GOLGA4: variants seen among roughly 807,000 people sequenced by gnomAD.
GOLGA4 encodes golgin A4.
Under a neutral mutation model 265.9 loss-of-function variants are expected in GOLGA4, and 169 were observed. That is an observed-to-expected ratio of 0.64 (90% CI 0.56 to 0.72). The LOEUF (loss-of-function observed/expected upper bound fraction) is 0.72, where lower values mean the gene tolerates loss of function less well. Among genes scored for constraint, GOLGA4 ranks in the 30% least tolerant of loss-of-function variants. The pLI, the probability that GOLGA4 is intolerant of heterozygous loss-of-function variation, is 0.00. For synonymous variants in GOLGA4, 923 were observed against 855.8 expected, an observed-to-expected ratio of 1.08 and a Z score of -1.37; for missense variants, 2,482 against 2,483.4, an observed-to-expected ratio of 1.00 and a Z score of 0.01.
chr3:37,323,959 T>C lies in GOLGA4; in HGVS notation c.2073T>C (p.Ser691=). ...AAACAGAACTAGAATCATTATCTTC[T>C]GAACTGTCAGAAGTATTAAAAGCCC... The part of the protein sequence containing the change: ...VKQTELESLS[S]ELSEVLKARH... The change falls in exon 14 of 24, where the codon TCT becomes TCC. Residue 691 remains serine, a synonymous_variant. Transcript: ENST00000361924. The C allele has an allele frequency of 6.2e-7, 1 of 1,613,540 alleles. No individual in the cohort carries two copies. The highest frequency in any genetic ancestry group is 1.3e-5 in the African/African-American group (1 of 74,994).
chr3:37,332,348 G>A (rs1489728682), intron 16 of GOLGA4, among the ~76,000 whole-genome samples: 3 of 152,116 alleles, frequency 2.0e-5, no homozygotes, highest in Admixed American at 2.0e-4. Context: ...CAGCGGGGGT[G>A]GTGTGGTGCA....
chr3:37,244,356 G>T (rs1166262071), intron 1 of GOLGA4, among the ~76,000 whole-genome samples: 1 of 152,224 alleles, frequency 6.6e-6, no homozygotes, highest in Non-Finnish European at 1.5e-5. Context: ...TGCGGACAGG[G>T]TTATGCTTGT....
At chr3:37,263,294 A>G (rs182474276) in intron 2 of GOLGA4, among the ~76,000 whole-genome samples, 222 of 152,204 alleles carry the variant, frequency 1.5e-3, no homozygotes, top group African/African-American at 5.0e-3. Flanking sequence ...TGCTTGTCCA[A>G]CCCAGCTTAT....
intron 2 of GOLGA4, among the ~76,000 whole-genome samples, chr3:37,271,727 A>G (rs528727992): frequency 1.3e-5 from 2 of 152,164 alleles, no homozygotes; most frequent in South Asian, 2.1e-4. Context: ...ATTTTGGTAT[A>G]TATCTCTAAA....
At chr3:37,282,318 TTC>T (rs2096837025) in intron 3 of GOLGA4, 46 bp downstream of exon 3, 2 of 1,366,124 alleles carry the variant, frequency 1.5e-6, no homozygotes, top group Non-Finnish European at 2.1e-6. Flanking sequence ...CTTCCCCTTG[TTC>T]TCTCATTCAT....
At chr3:37,320,496 G>T (rs1578678593) in intron 12 of GOLGA4, 1 of 152,196 alleles carries the variant, frequency 6.6e-6, no homozygotes, top group Non-Finnish European at 1.5e-5. Flanking sequence ...CCAGCTCTGT[G>T]GGGGCACATG....
intron 1 of GOLGA4, chr3:37,250,529 C>T (rs1435545312): frequency 6.6e-6 from 1 of 152,126 alleles, no homozygotes; most frequent in Non-Finnish European, 1.5e-5. Flanking sequence ...GACCAGAGTT[C>T]CATTTGTTTA....
intron 2 of GOLGA4, among the ~76,000 whole-genome samples, chr3:37,255,749 G>A (rs978636874): frequency 4.8e-5 from 3 of 62,944 alleles, no homozygotes; most frequent in African/African-American, 6.5e-5. Flanking sequence ...TTAAAAAAAA[G>A]CATTTTTTTT....
intron 7 of GOLGA4, among the ~76,000 whole-genome samples, chr3:37,297,983 C>G (rs771099642): frequency 6.6e-6 from 1 of 151,802 alleles, no homozygotes; most frequent in African/African-American, 2.4e-5. Context: ...GAGCCGAGAT[C>G]ATGCCACTGC....
chr3:37,257,934 TACATAC>T (rs2096754668), intron 2 of GOLGA4, among the ~76,000 whole-genome samples: 1 of 111,662 alleles, frequency 9.0e-6, no homozygotes, highest in South Asian at 2.4e-4. Flanking sequence ...TATGTATATA[TACATAC>T]ATATATATGT....
At chr3:37,271,372 C>T (rs1260405938) in intron 2 of GOLGA4, among the ~76,000 whole-genome samples, 9 of 152,160 alleles carry the variant, frequency 5.9e-5, no homozygotes, top group African/African-American at 1.9e-4. Flanking sequence ...AACCTTTCTT[C>T]CCCATCTAAC....
intron 2 of GOLGA4, among the ~76,000 whole-genome samples, chr3:37,260,082 C>G (rs1427121675): frequency 6.6e-6 from 1 of 151,248 alleles, no homozygotes; most frequent in Admixed American, 6.6e-5. Context: ...TTTGGCTTCC[C>G]TGGGCACATT....
At chr3:37,337,220 CTCTGTTGCCCAG>C (rs1376381591) in intron 18 of GOLGA4, 57 bp downstream of exon 18, 2 of 922,416 alleles carry the variant, frequency 2.2e-6, no homozygotes, top group African/African-American at 3.4e-5. Flanking sequence ...CAGATTCTCA[CTCTGTTGCCCAG>C]GCTGTTGCCC....
At chr3:37,289,166 A>G (rs2096858302) in intron 4 of GOLGA4, 69 bp from the exon 5 acceptor site, 1 of 798,778 alleles carries the variant, frequency 1.3e-6, no homozygotes, top group Non-Finnish European at 2.1e-6. Context: ...ATTATTTTTG[A>G]CTTGCTTTGT....
At chr3:37,302,883 A>T (rs902271373) in intron 10 of GOLGA4, 2 of 152,538 alleles carry the variant, frequency 1.3e-5, no homozygotes, top group South Asian at 4.1e-4. Flanking sequence ...CCAGCATAGT[A>T]TTCAACAAGG....
intron 21 of GOLGA4, among the ~76,000 whole-genome samples, chr3:37,352,230 C>G (rs1559469408): frequency 6.6e-6 from 1 of 152,034 alleles, no homozygotes; most frequent in Non-Finnish European, 1.5e-5. Flanking sequence ...ACTCACAGTT[C>G]TGCAGGGCTG....
chr3:37,292,757 A>G (rs1044206274), intron 5 of GOLGA4, among the ~76,000 whole-genome samples: 17 of 152,194 alleles, frequency 1.1e-4, no homozygotes, highest in African/African-American at 3.9e-4. Flanking sequence ...AGCTACTTAT[A>G]TGAAAGGAAT....
At chr3:37,245,637 A>G (rs1305382041) in intron 1 of GOLGA4, among the ~76,000 whole-genome samples, 1 of 152,226 alleles carries the variant, frequency 6.6e-6, no homozygotes, top group African/African-American at 2.4e-5. Flanking sequence ...CTAGTCACAA[A>G]CTAAGATATA....
Position 37,319,102 on chromosome 3 carries a change from C to T in GOLGA4, c.1453C>T (p.His485Tyr), listed in dbSNP as rs755956378. 3.5e-5 allele frequency: 57 copies of T among 1,608,618 alleles called. No homozygotes were observed. The highest frequency in any genetic ancestry group is 4.6e-5 in the Non-Finnish European group (54 of 1,177,312). The change falls in exon 12 of 24, where the codon CAT becomes TAT. Residue 485 changes from histidine (H) to tyrosine (Y), a missense_variant. Physicochemically the swap from His to Tyr is moderately conservative, Grantham distance 83. Transcript: ENST00000361924. The stretch of plus-strand genomic sequence containing the variant: ...ACAAATTGCTAAGCTACAGAAGCTT[C>T]ATGAAAAGGAGCTGGCCAGAAAAGA... ...EEQIAKLQKL[H>Y]EKELARKEQE...
Sources: gnomAD v4.1 joint callset for allele counts (sites outside exome capture counted in the v4.1 genomes callset) on GRCh38, gnomAD v4.1.1 for gene constraint, MANE v1.5 for transcripts, NCBI Gene and HGNC (gene_info 2026-07-23, HGNC 2026-07-21) for gene names.